RGS6: variants seen among roughly 807,000 people sequenced by gnomAD.
RGS6 encodes regulator of G-protein signaling 6.
In RGS6, 30 loss-of-function variants were observed where a neutral mutation model predicts 78.5. The observed-to-expected ratio is 0.38, with a 90% CI of 0.29 to 0.52. The LOEUF is 0.52. Ranked by LOEUF, RGS6 falls within the 20% of genes least tolerant of loss-of-function variation. The pLI, the probability that RGS6 is intolerant of heterozygous loss-of-function variation, is 0.85. For missense variants in RGS6, 495 were observed against 609.7 expected (o/e 0.81, Z 1.98); for synonymous variants, 206 against 206.0 (o/e 1.00, Z 0.00).
intron 2 of RGS6, among the ~76,000 whole-genome samples, chr14:72,303,383 C>T (rs1268502260): frequency 6.6e-6 from 1 of 152,154 alleles, no homozygotes; most frequent in Non-Finnish European, 1.5e-5. Context: ...TGCCTATAAT[C>T]CCAGCTACTC....
chr14:71,993,074 T>G (rs2095036115), intron 2 of RGS6, among the ~76,000 whole-genome samples: 1 of 152,224 alleles, frequency 6.6e-6, no homozygotes, highest in Non-Finnish European at 1.5e-5. Flanking sequence ...TCTTTACAAT[T>G]GAAGATAATT....
chr14:72,396,514 G>A (rs982727702), intron 3 of RGS6, among the ~76,000 whole-genome samples: 1 of 151,924 alleles, frequency 6.6e-6, no homozygotes, highest in African/African-American at 2.4e-5. Flanking sequence ...CTCTGATGGT[G>A]GTTTCTTTTG....
At chr14:72,414,752 G>A (rs751043143) in intron 3 of RGS6, among the ~76,000 whole-genome samples, 6 of 152,160 alleles carry the variant, frequency 3.9e-5, no homozygotes, top group Non-Finnish European at 8.8e-5. Flanking sequence ...CTTTCTGTTT[G>A]TTAGTTTTTC....
chr14:72,284,454 A>G (rs1474438151), intron 2 of RGS6, among the ~76,000 whole-genome samples: 4 of 152,238 alleles, frequency 2.6e-5, no homozygotes, highest in Non-Finnish European at 5.9e-5. Context: ...AGCTGGGGCC[A>G]TGGCTTCAGA....
intron 2 of RGS6, among the ~76,000 whole-genome samples, chr14:72,057,899 T>G (rs2093697245): frequency 6.6e-6 from 1 of 152,182 alleles, no homozygotes; most frequent in Non-Finnish European, 1.5e-5. Flanking sequence ...CTCCAAATAC[T>G]CTTTCCAAGT....
intron 3 of RGS6, among the ~76,000 whole-genome samples, chr14:72,397,748 T>A (rs1275448614): frequency 2.6e-5 from 4 of 152,176 alleles, no homozygotes; most frequent in African/African-American, 7.2e-5. Context: ...TATTGAGAGT[T>A]TTTTAGCATG....
chr14:72,113,067 C>A (rs2095804672), intron 2 of RGS6, among the ~76,000 whole-genome samples: 1 of 141,826 alleles, frequency 7.1e-6, no homozygotes, highest in Admixed American at 7.3e-5. Context: ...TACACTTACA[C>A]ACACACACAC....
At chr14:72,024,521 C>G (rs2089438782) in intron 2 of RGS6, among the ~76,000 whole-genome samples, 1 of 152,164 alleles carries the variant, frequency 6.6e-6, no homozygotes, top group South Asian at 2.1e-4. Context: ...AAATTCGTCC[C>G]CAGCATCACT....
At chr14:72,409,507 T>C (rs780406702) in intron 3 of RGS6, among the ~76,000 whole-genome samples, 1 of 151,514 alleles carries the variant, frequency 6.6e-6, no homozygotes, top group African/African-American at 2.4e-5. Context: ...CCAATTAAAA[T>C]TTTTTTAACA....
intron 2 of RGS6, among the ~76,000 whole-genome samples, chr14:72,053,960 G>A (rs1028092721): frequency 5.3e-5 from 8 of 152,154 alleles, no homozygotes; most frequent in Admixed American, 5.2e-4. Flanking sequence ...GGTTTTAAAA[G>A]GTGGAAATTG....
intron 2 of RGS6, among the ~76,000 whole-genome samples, chr14:72,272,873 G>A (rs2060147759): frequency 1.3e-5 from 2 of 152,220 alleles, no homozygotes; most frequent in South Asian, 2.1e-4. Context: ...CCAACACTTA[G>A]GGAGGCCAAG....
chr14:72,572,056 G>A, the RGS6 span, among the ~76,000 whole-genome samples: 1 of 152,196 alleles, frequency 6.6e-6, no homozygotes, highest in Non-Finnish European at 1.5e-5. Flanking sequence ...AGGAAAGGAT[G>A]CTGAACATCA....
At position 72,394,892 on chromosome 14, in the gene RGS6, A is replaced by G. The variant is rs556364686; in HGVS notation, c.184+42698A>G. Among the ~76,000 whole-genome samples the G allele has an allele frequency of 2.6e-5, 4 of 152,358 alleles. No homozygotes were observed. The East Asian group carries it at 7.7e-4, about 29-fold the overall frequency. ...TTCACAGTTTATGTTCAGAGATTGC[A>G]GTAAAGACAGGCATAAGAAATTATA... On this transcript the variant is annotated intron_variant, in intron 3 of 17. Transcript: ENST00000553525.
chr14:72,302,171 G>A (rs847362), intron 2 of RGS6, among the ~76,000 whole-genome samples: 31,336 of 152,174 alleles, frequency 0.21, 3,816 homozygotes, highest in South Asian at 0.38. Context: ...TTATAGAGTC[G>A]TAGTCAATTA....
At chr14:71,923,765 T>C in the RGS6 span, among the ~76,000 whole-genome samples, 1 of 151,666 alleles carries the variant, frequency 6.6e-6, no homozygotes, top group Non-Finnish European at 1.5e-5. Flanking sequence ...AACAGATCAG[T>C]AGTCACCAGG....
intron 7 of RGS6, among the ~76,000 whole-genome samples, chr14:72,467,965 C>T (rs2153276831): frequency 6.6e-6 from 1 of 152,310 alleles, no homozygotes; most frequent in African/African-American, 2.4e-5. Context: ...CCCCTCCCTC[C>T]TGTGTGTCTC....
chr14:71,868,963 A>T, the RGS6 span, among the ~76,000 whole-genome samples: 1,262 of 152,276 alleles, frequency 8.3e-3, 9 homozygotes, highest in Middle Eastern at 0.024. Context: ...CTGCCTTGGG[A>T]TGCCATATAC....
intron 3 of RGS6, among the ~76,000 whole-genome samples, chr14:72,387,310 G>A (rs1345341437): frequency 6.6e-6 from 1 of 152,174 alleles, no homozygotes; most frequent in Admixed American, 6.5e-5. Context: ...AGCACTTTGG[G>A]AGGCCAAGGT....
At chr14:72,463,661 G>A (rs1041613534) in intron 6 of RGS6, among the ~76,000 whole-genome samples, 3 of 152,216 alleles carry the variant, frequency 2.0e-5, no homozygotes, top group Non-Finnish European at 4.4e-5. Flanking sequence ...CATTTGGCCA[G>A]TGCAAAATCC....
Sources: allele counts gnomAD v4.1 joint callset (sites outside exome capture counted in the v4.1 genomes callset), GRCh38; gene constraint gnomAD v4.1.1; transcripts MANE v1.5; gene names NCBI Gene and HGNC (gene_info 2026-07-23, HGNC 2026-07-21).